TBC1D22A: variants seen among roughly 807,000 people sequenced by gnomAD.
TBC1D22A encodes TBC1 domain family member 22A.
In TBC1D22A, 38 loss-of-function variants were observed where a neutral mutation model predicts 60.2. The ratio of observed to expected loss-of-function variants is 0.63; its 90% CI spans 0.49 to 0.83. The LOEUF (loss-of-function observed/expected upper bound fraction) is 0.83. TBC1D22A is among the 40% of genes least tolerant of loss of function. The pLI is 0.00. For synonymous variants in TBC1D22A, 302 were observed against 281.7 expected (o/e 1.07, Z -0.72); for missense variants, 628 against 701.0 (o/e 0.90, Z 1.18).
chr22:46,792,974 CAG>C (rs1366689484), intron 2 of TBC1D22A, among the ~76,000 whole-genome samples: 1 of 152,276 alleles, frequency 6.6e-6, no homozygotes, highest in African/African-American at 2.4e-5. Flanking sequence ...GGCGGGAGCG[CAG>C]AGTGTGGGGC....
At position 47,084,585 on chromosome 22, in the gene TBC1D22A, A is replaced by T. The variant is rs1400581771; in HGVS notation, c.1330-26923A>T. 5.3e-5 allele frequency among the ~76,000 whole-genome samples: 8 copies of T among 152,356 alleles called. No homozygotes were observed. In the East Asian group the frequency reaches 1.3e-3, roughly 26 times the overall value. On this transcript the variant is annotated intron_variant, in intron 11 of 12. Transcript: ENST00000337137. ...TGAAAATGTGCACGCGGATTCCTGC[A>T]GTCCTGATTTTTAATAGCAAGAAAG...
In TBC1D22A at chr22:47,073,460, G is replaced by A. The variant is rs539069068; in HGVS notation, c.1329+36262G>A. ...GGCCCCGTGTGGATGCCTCTTCAGG[G>A]TGCCTTCCACAGAGCTCTGCCAGCA... On this transcript the variant is annotated intron_variant, in intron 11 of 12. Transcript: ENST00000337137. Among the ~76,000 whole-genome samples, 12 of 152,264 alleles carry A rather than the reference G, an allele frequency of 7.9e-5. 1 individual carries two copies. The South Asian group carries it at 2.3e-3, about 29-fold the overall frequency.
At chr22:46,899,312 T>C (rs2068852724) in intron 7 of TBC1D22A, among the ~76,000 whole-genome samples, 1 of 151,672 alleles carries the variant, frequency 6.6e-6, no homozygotes, top group Non-Finnish European at 1.5e-5. Flanking sequence ...CCAGGCGTGG[T>C]GGGGCGTACC....
chr22:46,824,922 G>A (rs974405249), intron 4 of TBC1D22A, among the ~76,000 whole-genome samples: 1 of 152,050 alleles, frequency 6.6e-6, no homozygotes, highest in East Asian at 1.9e-4. Flanking sequence ...TGTCAAGTGG[G>A]CAGCTGGACA....
rs77017730 is a variant in TBC1D22A, at chr22:46,991,125, C to T, written c.1126-6509C>T. ...ACAGTAACTCAGTACCGCCTGTGCC[C>T]TTGTGATGGAGCCCTTCCTCTCTCC... On this transcript the variant is annotated intron_variant, in intron 9 of 12. Coordinates refer to ENST00000337137, the MANE Select transcript of TBC1D22A (RefSeq NM_014346.5). 3.3e-5 allele frequency among the ~76,000 whole-genome samples: 5 copies of T among 152,268 alleles called. No homozygotes were observed. The East Asian group carries it at 7.7e-4, about 23-fold the overall frequency.
chr22:47,003,417 A>G (rs569796207), intron 10 of TBC1D22A, among the ~76,000 whole-genome samples: 267 of 149,280 alleles, frequency 1.8e-3, no homozygotes, highest in African/African-American at 6.2e-3. Context: ...CTGTACACAC[A>G]TACCCTACGC....
intron 11 of TBC1D22A, among the ~76,000 whole-genome samples, chr22:47,065,861 T>C (rs1447415195): frequency 1.3e-5 from 2 of 151,544 alleles, no homozygotes; most frequent in Admixed American, 1.3e-4. Flanking sequence ...GTGCGTGGGG[T>C]GGGAAGGAAG....
rs897593710 is a variant in TBC1D22A, at chr22:46,788,343, C to T, written c.63-4177C>T. 3.9e-5 allele frequency among the ~76,000 whole-genome samples: 6 copies of T among 152,304 alleles called. 1 individual carries two copies. Among genetic ancestry groups the T allele is most frequent in the East Asian group, 1.9e-4 (1 of 5,176 alleles). On this transcript the variant is annotated intron_variant, in intron 1 of 12. Coordinates refer to ENST00000337137, the MANE Select transcript of TBC1D22A (RefSeq NM_014346.5). ...GTTGCAAAGATTAAAGGACTTAACA[C>T]ATTGAGAGTTTAAAATAATGCTCAT...
At chr22:47,021,373 G>A (rs1383816532) in intron 10 of TBC1D22A, among the ~76,000 whole-genome samples, 2 of 144,042 alleles carry the variant, frequency 1.4e-5, no homozygotes, top group Non-Finnish European at 3.0e-5. Context: ...CTGTATCCTG[G>A]AGCCCTGAGC....
At chr22:47,096,193 G>A (rs184375908) in intron 11 of TBC1D22A, among the ~76,000 whole-genome samples, 3 of 152,284 alleles carry the variant, frequency 2.0e-5, no homozygotes, top group Admixed American at 1.3e-4. Flanking sequence ...CATTTCACAT[G>A]TACTACGGAA....
chr22:46,890,437 G>A (rs2068337127), intron 5 of TBC1D22A, among the ~76,000 whole-genome samples: 3 of 152,112 alleles, frequency 2.0e-5, no homozygotes, highest in Admixed American at 1.3e-4. Flanking sequence ...CATTTACCTT[G>A]TATCAGGTGT....
chr22:46,894,708 T>C (rs1002995019), intron 6 of TBC1D22A, 76 bp from the exon 7 acceptor site: 35 of 1,557,532 alleles, frequency 2.2e-5, no homozygotes, highest in Non-Finnish European at 3.1e-5. Context: ...ACCTCAGTAT[T>C]GCTGTTTTAA....
At chr22:47,036,635 T>C (rs932861051) in intron 10 of TBC1D22A, among the ~76,000 whole-genome samples, 1 of 152,196 alleles carries the variant, frequency 6.6e-6, no homozygotes, top group Non-Finnish European at 1.5e-5. Flanking sequence ...AGCATTTCCC[T>C]GGACAAGATT....
At chr22:47,005,966 A>G (rs1416568384) in intron 10 of TBC1D22A, among the ~76,000 whole-genome samples, 2 of 151,748 alleles carry the variant, frequency 1.3e-5, no homozygotes, top group East Asian at 3.9e-4. Flanking sequence ...ACACATGCCT[A>G]TACACACACC....
At chr22:46,820,026 G>A (rs1443443887) in intron 4 of TBC1D22A, among the ~76,000 whole-genome samples, 1 of 152,206 alleles carries the variant, frequency 6.6e-6, no homozygotes, top group Non-Finnish European at 1.5e-5. Flanking sequence ...TATTTGCATA[G>A]AGGTGTTTAT....
chr22:46,797,538 C>G lies in TBC1D22A; in HGVS notation c.555C>G (p.Leu185=), dbSNP rs1474570128. 2 of 1,614,086 alleles carry G rather than the reference C, an allele frequency of 1.2e-6. No individual in the cohort carries two copies. Among genetic ancestry groups the G allele is most frequent in the Non-Finnish European group, 1.7e-6 (2 of 1,180,036 alleles). ...TLGGTSDPST[L]SSSALSEREA... Reference sequence around the variant, plus strand: ...GTGGCACATCTGACCCCAGCACTCTCAGCAGCTCAGCGCTGAGCGAAAGAG... The same window carrying G: ...GTGGCACATCTGACCCCAGCACTCTGAGCAGCTCAGCGCTGAGCGAAAGAG... The change falls in exon 4 of 13, where the codon CTC becomes CTG. Residue 185 remains leucine, a synonymous_variant. Coordinates refer to ENST00000337137, the MANE Select transcript of TBC1D22A (RefSeq NM_014346.5).
chr22:46,997,861 T>G (rs2075173935), intron 10 of TBC1D22A, 152 bp downstream of exon 10: 1 of 630,312 alleles, frequency 1.6e-6, no homozygotes, highest in Admixed American at 2.8e-5. Context: ...TGCTGGTGCG[T>G]GAGCTGCTCT....
intron 10 of TBC1D22A, among the ~76,000 whole-genome samples, chr22:47,021,933 C>T (rs1410045537): frequency 6.6e-6 from 1 of 152,228 alleles, no homozygotes; most frequent in Admixed American, 6.5e-5. Flanking sequence ...GCACTGCTGG[C>T]TGTGGCAGTG....
intron 3 of TBC1D22A, 32 bp downstream of exon 3, chr22:46,793,873 G>A (rs1569042580): frequency 1.3e-6 from 2 of 1,502,428 alleles, no homozygotes; most frequent in Non-Finnish European, 1.8e-6. Flanking sequence ...GATGGTCTGG[G>A]TTTCTGGCCA....
Sources: allele counts gnomAD v4.1 joint callset (sites outside exome capture counted in the v4.1 genomes callset), GRCh38; gene constraint gnomAD v4.1.1; transcripts MANE v1.5; gene names NCBI Gene and HGNC (gene_info 2026-07-23, HGNC 2026-07-21).